Variants in CDKAL1 observed in about 807,000 individuals in gnomAD.
CDKAL1 encodes CDKAL1 threonylcarbamoyladenosine tRNA methylthiotransferase.
CDKAL1 carries 32 observed loss-of-function variants against 68.2 expected under a neutral mutation model. The ratio of observed to expected loss-of-function variants is 0.47; its 90% CI spans 0.35 to 0.63. The LOEUF is 0.63. CDKAL1 is among the 30% of genes least tolerant of loss of function. CDKAL1 has a pLI of 0.00. For missense variants in CDKAL1, 606 were observed against 696.7 expected (o/e 0.87, Z 1.47); for synonymous variants, 234 against 244.3 (o/e 0.96, Z 0.39).
chr6:20,824,196 C>T (rs1164265683), intron 8 of CDKAL1, among the ~76,000 whole-genome samples: 1 of 152,076 alleles, frequency 6.6e-6, no homozygotes, highest in Non-Finnish European at 1.5e-5. Flanking sequence ...GGATATGAAG[C>T]CTCTTGAACC....
intron 13 of CDKAL1, among the ~76,000 whole-genome samples, chr6:21,137,367 G>A (rs1206999581): frequency 6.6e-6 from 1 of 152,056 alleles, no homozygotes; most frequent in Non-Finnish European, 1.5e-5. Flanking sequence ...TTTACAGTTT[G>A]TACTTGACCG....
chr6:20,818,430 A>G (rs1777138506), intron 8 of CDKAL1, among the ~76,000 whole-genome samples: 1 of 152,146 alleles, frequency 6.6e-6, no homozygotes, highest in Admixed American at 6.5e-5. Context: ...TGTCTTGAAG[A>G]AAAGTGCTAA....
At chr6:20,600,766 G>GTATATATATATATATATATATA (rs1554161060) in intron 4 of CDKAL1, among the ~76,000 whole-genome samples, 1 of 61,050 alleles carries the variant, frequency 1.6e-5, no homozygotes, top group African/African-American at 6.3e-5. Context: ...AGATATATAT[G>GTATATATATATATATATATATA]TATACATATA....
chr6:21,054,154 A>C (rs1325969493), intron 11 of CDKAL1, among the ~76,000 whole-genome samples: 2 of 152,136 alleles, frequency 1.3e-5, no homozygotes, highest in African/African-American at 4.8e-5. Flanking sequence ...GGGTTTAATA[A>C]TGTGTGGGGT....
intron 11 of CDKAL1, among the ~76,000 whole-genome samples, chr6:21,040,644 T>G: frequency 6.6e-6 from 1 of 152,192 alleles, no homozygotes; most frequent in Admixed American, 6.5e-5. Context: ...TAAAATATTA[T>G]TATACTTCAG....
In CDKAL1 at chr6:20,926,887, T is replaced by TTATA. The variant is rs35259543; in HGVS notation, c.743-28524_743-28521dup. Among the ~76,000 whole-genome samples the TTATA allele has an allele frequency of 8.2e-4, 121 of 146,858 alleles. No homozygotes were observed. The East Asian group carries it at 9.3e-3, about 11-fold the overall frequency. On this transcript the variant is annotated intron_variant, in intron 9 of 15. Transcript: ENST00000274695. ...AATATACCAAGATGTTTCTATATATTTATATATATATGTTTATGTATATTT... is the reference window on the plus strand; with the variant it reads ...AATATACCAAGATGTTTCTATATATTTATATATATATATATGTTTATGTATATTT...
intron 9 of CDKAL1, among the ~76,000 whole-genome samples, chr6:20,941,899 A>G (rs1763988752): frequency 6.6e-6 from 1 of 152,288 alleles, no homozygotes; most frequent in Middle Eastern, 3.4e-3. Flanking sequence ...CTTTTTTTCC[A>G]TGAGGTAGTT....
chr6:21,200,798 G>A (rs1464529519), intron 14 of CDKAL1: 1 of 188,048 alleles, frequency 5.3e-6, no homozygotes, highest in Non-Finnish European at 1.1e-5. Context: ...AGGCTCTGCA[G>A]ACCCTTGAGC....
intron 14 of CDKAL1, among the ~76,000 whole-genome samples, chr6:21,199,005 A>T (rs147484191): frequency 4.1e-4 from 63 of 152,340 alleles, no homozygotes; most frequent in African/African-American, 1.5e-3. Flanking sequence ...GGAGACTGTC[A>T]TGGGCGTACG....
intron 11 of CDKAL1, among the ~76,000 whole-genome samples, chr6:21,004,722 T>C (rs1216550840): frequency 2.0e-5 from 3 of 152,048 alleles, no homozygotes; most frequent in Non-Finnish European, 4.4e-5. Flanking sequence ...CCCAATACTT[T>C]GGGAGGCTGA....
At chr6:21,104,028 AT>A (rs1385543623) in intron 12 of CDKAL1, among the ~76,000 whole-genome samples, 1 of 152,220 alleles carries the variant, frequency 6.6e-6, no homozygotes, top group African/African-American at 2.4e-5. Context: ...CTCACTAGTA[AT>A]AATGGCCGTG....
At chr6:21,151,905 C>A (rs1356055681) in intron 13 of CDKAL1, among the ~76,000 whole-genome samples, 2 of 152,126 alleles carry the variant, frequency 1.3e-5, no homozygotes, top group African/African-American at 4.8e-5. Context: ...TGGCGTGCGG[C>A]CTCCACCCCC....
chr6:20,807,456 T>C (rs1776621142), intron 8 of CDKAL1, among the ~76,000 whole-genome samples: 1 of 152,040 alleles, frequency 6.6e-6, no homozygotes, highest in East Asian at 1.9e-4. Flanking sequence ...CTCCTGACCT[T>C]GTGATCGGCC....
At chr6:21,186,815 G>T (rs1380276610) in intron 13 of CDKAL1, among the ~76,000 whole-genome samples, 2 of 151,680 alleles carry the variant, frequency 1.3e-5, no homozygotes, top group Non-Finnish European at 2.9e-5. Flanking sequence ...CAGTGAAATG[G>T]TAGATTTCCG....
At chr6:20,657,087 A>C (rs1769061146) in intron 5 of CDKAL1, among the ~76,000 whole-genome samples, 1 of 152,212 alleles carries the variant, frequency 6.6e-6, no homozygotes, top group Non-Finnish European at 1.5e-5. Flanking sequence ...TACTCTTGTC[A>C]AGCATTTTGC....
At chr6:20,698,711 A>G (rs1771213298) in intron 5 of CDKAL1, among the ~76,000 whole-genome samples, 1 of 152,194 alleles carries the variant, frequency 6.6e-6, no homozygotes, top group Non-Finnish European at 1.5e-5. Flanking sequence ...CTTTATTTTT[A>G]ATATTTCAGT....
chr6:20,824,752 G>A (rs1248617344), intron 8 of CDKAL1, among the ~76,000 whole-genome samples: 1 of 152,140 alleles, frequency 6.6e-6, no homozygotes, highest in Non-Finnish European at 1.5e-5. Context: ...CTACACGTAG[G>A]GGGAAAGGAT....
At chr6:20,732,244 C>G (rs1271205556) in intron 5 of CDKAL1, among the ~76,000 whole-genome samples, 1 of 129,772 alleles carries the variant, frequency 7.7e-6, no homozygotes, top group Non-Finnish European at 1.7e-5. Flanking sequence ...TTCTTTTTTT[C>G]TTTTTCTTTT....
At chr6:20,745,074 C>T (rs1309020500) in intron 6 of CDKAL1, among the ~76,000 whole-genome samples, 1 of 152,226 alleles carries the variant, frequency 6.6e-6, no homozygotes, top group East Asian at 1.9e-4. Context: ...TGAACATTTT[C>T]TTTGGAGAGC....
Sources: gnomAD v4.1 joint callset for allele counts (sites outside exome capture counted in the v4.1 genomes callset) on GRCh38, gnomAD v4.1.1 for gene constraint, MANE v1.5 for transcripts, NCBI Gene and HGNC (gene_info 2026-07-23, HGNC 2026-07-21) for gene names.